Variants in DCDC1 observed in about 807,000 individuals in gnomAD.
DCDC1 encodes the protein doublecortin domain-containing protein 1.
A neutral mutation model predicts 178.3 loss-of-function variants in DCDC1; 200 were observed. The ratio of observed to expected loss-of-function variants is 1.12; its 90% confidence interval spans 1.00 to 1.26. The LOEUF (loss-of-function observed/expected upper bound fraction) is 1.26. DCDC1 is among the 50% of genes most tolerant of loss of function. The probability of loss-of-function intolerance (pLI) is 0.00; values close to 1 mark genes in which losing one functional copy is unlikely to be tolerated. For synonymous variants in DCDC1, 690 were observed against 604.8 expected (o/e 1.14, Z -2.07); for missense variants, 1,983 against 1,749.2 (o/e 1.13, Z -2.38).
rs1420498440 is a variant in DCDC1, at chr11:30,968,667, ATATATATATCAAAT to A, written c.2592-16113_2592-16100del. Among the ~76,000 whole-genome samples, 439 of 140,062 alleles carry A rather than the reference ATATATATATCAAAT, an allele frequency of 3.1e-3. 13 individuals are homozygous for A. The highest frequency in any genetic ancestry group is 0.011 in the African/African-American group (399 of 36,926). 91.9% of individuals were successfully genotyped at this position (140,062 alleles called of 152,430 possible). A position where few individuals can be genotyped will look rare whatever the true frequency, so the allele number is the denominator to read the frequency against. On this transcript the variant is annotated intron_variant, in intron 20 of 38. Transcript: ENST00000684477. ...TTATCTGTGGTTATATATACATCAA[ATATATATATCAAAT>A]TATATATATCAAATTATATATATAT...
At chr11:31,034,135 C>T (rs553563153) in intron 20 of DCDC1, among the ~76,000 whole-genome samples, 5 of 122,970 alleles carry the variant, frequency 4.1e-5, no homozygotes, top group African/African-American at 1.7e-4. Context: ...CAGAGTGAGG[C>T]TCTGTCTCAA....
chr11:31,212,281 G>A (rs912201065), intron 9 of DCDC1, among the ~76,000 whole-genome samples: 9 of 151,554 alleles, frequency 5.9e-5, no homozygotes, highest in South Asian at 2.1e-4. Flanking sequence ...CTTACAATGC[G>A]AAAATTTTGT....
chr11:31,332,458 T>A (rs999584054), intron 2 of DCDC1, among the ~76,000 whole-genome samples: 4 of 152,222 alleles, frequency 2.6e-5, no homozygotes, highest in Non-Finnish European at 5.9e-5. Flanking sequence ...CTAGTTCTTT[T>A]AATTGTGATG....
At chr11:30,870,311 A>G (rs149451530) in intron 38 of DCDC1, among the ~76,000 whole-genome samples, 2,524 of 152,118 alleles carry the variant, frequency 0.017, 37 homozygotes, top group Non-Finnish European at 0.027. Context: ...CAACCTTCCC[A>G]TGGGAGCTGG....
intron 1 of DCDC1, among the ~76,000 whole-genome samples, chr11:31,364,156 C>T (rs1034422201): frequency 1.2e-4 from 19 of 152,126 alleles, no homozygotes; most frequent in African/African-American, 4.6e-4. Context: ...CTATGTTAAG[C>T]TATGATGTGC....
intron 7 of DCDC1, among the ~76,000 whole-genome samples, chr11:31,284,357 A>C (rs1442427266): frequency 6.6e-6 from 1 of 152,166 alleles, no homozygotes; most frequent in African/African-American, 2.4e-5. Flanking sequence ...TGGATATGGC[A>C]GTCAGCTTGT....
intron 20 of DCDC1, among the ~76,000 whole-genome samples, chr11:30,957,718 G>A (rs1948849305): frequency 1.3e-5 from 2 of 152,166 alleles, no homozygotes; most frequent in South Asian, 4.1e-4. Flanking sequence ...GGACATGCAT[G>A]GTGAAGTGAC....
In DCDC1 at chr11:31,307,755, G is replaced by A. The variant is rs1205264842; in HGVS notation, c.318C>T (p.His106=). 1.9e-6 allele frequency: 3 copies of A among 1,613,996 alleles called. No individual in the cohort carries two copies. The highest frequency in any genetic ancestry group is 2.5e-6 in the Non-Finnish European group (3 of 1,180,008). The change falls in exon 4 of 39, where the codon CAC becomes CAT. Residue 106 remains histidine (H), a synonymous_variant. Coordinates refer to ENST00000684477, the MANE Select transcript of DCDC1 (RefSeq NM_001387274.1). ...DCSTHQTASD[H]SHDEISDLDS... ...CTAGGTCTGATATTTCATCATGGCT[G>A]TGATCTGATGCTGTTTGATGTGTGG...
At chr11:31,143,992 T>C (rs1410535333) in intron 9 of DCDC1, among the ~76,000 whole-genome samples, 1 of 152,166 alleles carries the variant, frequency 6.6e-6, no homozygotes, top group Admixed American at 6.5e-5. Flanking sequence ...GAAACCACCA[T>C]AATATTTGAT....
intron 22 of DCDC1, among the ~76,000 whole-genome samples, chr11:30,931,242 AT>A (rs1156754278): frequency 6.6e-6 from 1 of 152,134 alleles, no homozygotes. Context: ...TATCCCAATA[AT>A]AAGGTAAGCT....
At chr11:30,909,211 T>C in intron 28 of DCDC1, 95 bp from the exon 29 acceptor site, 1 of 1,091,156 alleles carries the variant, frequency 9.2e-7, no homozygotes, top group Non-Finnish European at 1.3e-6. Context: ...TGCAGATAAT[T>C]ACTCATAATC....
At chr11:30,878,464 GA>G in intron 38 of DCDC1, 79 bp downstream of exon 38, 1 of 1,265,916 alleles carries the variant, frequency 7.9e-7, no homozygotes, top group Non-Finnish European at 1.1e-6. Context: ...AGAAAAGAAA[GA>G]GGGGGGAACT....
chr11:31,015,482 T>C (rs993733474), intron 20 of DCDC1, among the ~76,000 whole-genome samples: 5 of 152,292 alleles, frequency 3.3e-5, no homozygotes, highest in African/African-American at 1.2e-4. Flanking sequence ...TTTCCTCTTC[T>C]CTTGTTGATC....
At chr11:31,061,844 A>C (rs545750679) in intron 20 of DCDC1, among the ~76,000 whole-genome samples, 2 of 152,234 alleles carry the variant, frequency 1.3e-5, no homozygotes, top group East Asian at 3.9e-4. Context: ...GTTAATTCTA[A>C]CAACCTCAGA....
intron 38 of DCDC1, 63 bp downstream of exon 38, chr11:30,878,481 A>G: frequency 7.4e-7 from 1 of 1,352,922 alleles, no homozygotes; most frequent in Non-Finnish European, 9.8e-7. Flanking sequence ...GAACTGCATG[A>G]AAATAAAAGA....
At chr11:31,220,804 C>T (rs865906020) in intron 9 of DCDC1, among the ~76,000 whole-genome samples, 6 of 152,140 alleles carry the variant, frequency 3.9e-5, no homozygotes, top group Non-Finnish European at 7.4e-5. Context: ...TCTCATAGTT[C>T]TGGAGGCTGA....
chr11:30,925,922 G>A (rs1946561734), intron 22 of DCDC1, among the ~76,000 whole-genome samples: 1 of 152,026 alleles, frequency 6.6e-6, no homozygotes, highest in Non-Finnish European at 1.5e-5. Flanking sequence ...AACTACCTTT[G>A]AAACAGACGT....
chr11:31,243,533 A>G (rs1334822862), intron 8 of DCDC1, among the ~76,000 whole-genome samples: 4 of 151,822 alleles, frequency 2.6e-5, no homozygotes, highest in Non-Finnish European at 4.4e-5. Context: ...TGCTTGTCAC[A>G]AAATAACTTT....
rs551411992 is a variant in DCDC1, at chr11:31,011,931, G to A, written c.2591+52538C>T. Among the ~76,000 whole-genome samples the A allele has an allele frequency of 8.5e-5, 13 of 152,302 alleles. No homozygotes were observed. The South Asian group carries it at 1.5e-3, about 17-fold the overall frequency. ...CTTATGTCGAATTGTAATCCCCAGC[G>A]TTGGAGGAGGGGCCTGGTGGGAGGT... On this transcript the variant is annotated intron_variant, in intron 20 of 38. Transcript: ENST00000684477.
Sources: gnomAD v4.1 joint callset for allele counts (sites outside exome capture counted in the v4.1 genomes callset) on GRCh38, gnomAD v4.1.1 for gene constraint, MANE v1.5 for transcripts, NCBI Gene and HGNC (gene_info 2026-07-23, HGNC 2026-07-21) for gene names.